DCLK2: variants seen among roughly 807,000 people sequenced by gnomAD.
The protein encoded by DCLK2 is serine/threonine-protein kinase DCLK2.
In DCLK2, 31 loss-of-function variants were observed where a neutral mutation model predicts 78.4. The observed-to-expected ratio is 0.40, with a 90% CI of 0.30 to 0.53. The LOEUF (loss-of-function observed/expected upper bound fraction) is 0.53. Among genes scored for constraint, DCLK2 ranks in the 20% least tolerant of loss-of-function variants. The pLI is 0.61. For synonymous variants in DCLK2, 407 were observed against 374.9 expected (o/e 1.09, Z -0.99); for missense variants, 872 against 973.7 (o/e 0.90, Z 1.39).
intron 2 of DCLK2, among the ~76,000 whole-genome samples, chr4:150,142,674 C>T (rs748264297): frequency 2.0e-5 from 3 of 152,102 alleles, no homozygotes; most frequent in African/African-American, 4.8e-5. Context: ...CTATCTGATT[C>T]GATACCCTTG....
intron 2 of DCLK2, among the ~76,000 whole-genome samples, chr4:150,170,083 C>T (rs1041610813): frequency 5.9e-5 from 9 of 152,210 alleles, no homozygotes; most frequent in Non-Finnish European, 1.2e-4. Flanking sequence ...GACAGAGTCT[C>T]ACTCTGACAC....
chr4:150,172,423 G>A (rs906867664), intron 2 of DCLK2, among the ~76,000 whole-genome samples: 3 of 151,586 alleles, frequency 2.0e-5, no homozygotes, highest in East Asian at 1.9e-4. Context: ...CTAACATGGC[G>A]AAACCCCATC....
At chr4:150,234,752 TAAAA>T (rs77788835) in intron 10 of DCLK2, among the ~76,000 whole-genome samples, 1 of 141,066 alleles carries the variant, frequency 7.1e-6, no homozygotes, top group African/African-American at 2.6e-5. Flanking sequence ...TGCTCTGTGT[TAAAA>T]AAAAAAAAAA....
In DCLK2 at chr4:150,102,561, A is replaced by C; in HGVS notation, c.505A>C (p.Ile169Leu). Residue 169 changes from isoleucine to leucine, a missense_variant, in exon 2 of 16, where the codon ATC becomes CTC. Physicochemically the swap from Ile to Leu is conservative, Grantham distance 5 (BLOSUM62 2). Coordinates refer to ENST00000296550, the MANE Select transcript of DCLK2 (RefSeq NM_001040260.4). The stretch of plus-strand genomic sequence containing the variant: ...TATTAATCCAAACTGGTCTGTGAAC[A>C]TCAAGGGTGGGACATCCCGAGCGCT... Reference protein sequence around the residue: ...KNINPNWSVNIKGGTSRALAA... With the variant: ...KNINPNWSVNLKGGTSRALAA... 1 of 1,614,208 alleles carries C rather than the reference A, an allele frequency of 6.2e-7. No homozygotes were observed. Among genetic ancestry groups the C allele is most frequent in the Non-Finnish European group, 8.5e-7 (1 of 1,180,028 alleles).
At chr4:150,239,963 TAAGA>T (rs1742789689) in intron 11 of DCLK2, 88 bp downstream of exon 11, 2 of 1,461,410 alleles carry the variant, frequency 1.4e-6, no homozygotes, top group Non-Finnish European at 9.2e-7. Flanking sequence ...ATACAGTTGG[TAAGA>T]AAGGTCTGTT....
rs539934955 is a variant in DCLK2, at chr4:150,127,509, G to A, written c.756+24697G>A. On this transcript the variant is annotated intron_variant, in intron 2 of 15. Coordinates refer to ENST00000296550, the MANE Select transcript of DCLK2 (RefSeq NM_001040260.4). Reference sequence around the variant, plus strand: ...ACTGGCTCAGATGTGGTCAATGGGAGCTTCTTCAAGTTGGAGTCTGTGTCC... The same window carrying A: ...ACTGGCTCAGATGTGGTCAATGGGAACTTCTTCAAGTTGGAGTCTGTGTCC... Among the ~76,000 whole-genome samples the A allele has an allele frequency of 4.3e-4, 65 of 152,298 alleles. 1 individual carries two copies. In the South Asian group the frequency reaches 0.013, roughly 30 times the overall value.
intron 2 of DCLK2, among the ~76,000 whole-genome samples, chr4:150,117,239 C>T (rs912330596): frequency 7.9e-5 from 12 of 152,058 alleles, no homozygotes; most frequent in African/African-American, 1.9e-4. Context: ...GAATAGCAGA[C>T]GGCAGTAATT....
chr4:150,143,137 G>A (rs1217318453), intron 2 of DCLK2, among the ~76,000 whole-genome samples: 1 of 152,144 alleles, frequency 6.6e-6, no homozygotes, highest in East Asian at 1.9e-4. Context: ...TAGCTGCATA[G>A]TATTTCATAG....
intron 4 of DCLK2, among the ~76,000 whole-genome samples, chr4:150,198,529 G>A (rs1400937161): frequency 6.6e-6 from 1 of 151,932 alleles, no homozygotes; most frequent in Non-Finnish European, 1.5e-5. Context: ...ACTGGCTTCT[G>A]CCTCATCAAA....
At chr4:150,224,404 CAA>C (rs112965015) in intron 7 of DCLK2, 95 bp from the exon 8 acceptor site, 1,311 of 912,572 alleles carry the variant, frequency 1.4e-3, no homozygotes, top group African/African-American at 5.5e-3. Context: ...CTCATCTCTA[CAA>C]AAAAAAAAAA....
intron 5 of DCLK2, among the ~76,000 whole-genome samples, chr4:150,219,001 C>T (rs1740960444): frequency 1.3e-5 from 2 of 152,026 alleles, no homozygotes; most frequent in South Asian, 2.1e-4. Flanking sequence ...CCCAGGAGTT[C>T]GAGACCAGCC....
intron 2 of DCLK2, among the ~76,000 whole-genome samples, chr4:150,167,986 C>T (rs918792893): frequency 8.5e-5 from 13 of 152,162 alleles, no homozygotes; most frequent in African/African-American, 2.7e-4. Context: ...GCAGGCAGCC[C>T]ACCCCAAGGG....
chr4:150,243,017 A>G (rs555832271), intron 12 of DCLK2, among the ~76,000 whole-genome samples: 3 of 152,116 alleles, frequency 2.0e-5, no homozygotes, highest in Non-Finnish European at 4.4e-5. Flanking sequence ...TCAGCTGGGA[A>G]AGGGTCTTGG....
chr4:150,196,637 A>G, intron 3 of DCLK2, among the ~76,000 whole-genome samples: 1 of 150,118 alleles, frequency 6.7e-6, no homozygotes, highest in Non-Finnish European at 1.5e-5. Context: ...CTATGATGTA[A>G]ATTTTATTCT....
At chr4:150,131,525 A>G (rs1391401762) in intron 2 of DCLK2, among the ~76,000 whole-genome samples, 2 of 152,150 alleles carry the variant, frequency 1.3e-5, no homozygotes, top group African/African-American at 4.8e-5. Flanking sequence ...TTGTGACTGG[A>G]GCAAATTTTC....
chr4:150,090,546 C>G (rs550713056), intron 1 of DCLK2, among the ~76,000 whole-genome samples: 1 of 110,716 alleles, frequency 9.0e-6, no homozygotes, highest in South Asian at 2.7e-4. Flanking sequence ...CAGATCTGAT[C>G]TGCTGGTTCC....
intron 12 of DCLK2, among the ~76,000 whole-genome samples, chr4:150,245,507 A>C (rs1189199380): frequency 6.6e-6 from 1 of 152,070 alleles, no homozygotes; most frequent in African/African-American, 2.4e-5. Context: ...TCCTAATGCT[A>C]TCCCTCCCCC....
intron 7 of DCLK2, among the ~76,000 whole-genome samples, chr4:150,222,758 C>G (rs1035922924): frequency 1.4e-4 from 21 of 151,580 alleles, no homozygotes; most frequent in African/African-American, 5.1e-4. Flanking sequence ...CCCAGCTACT[C>G]GGGAAGCTGA....
intron 2 of DCLK2, among the ~76,000 whole-genome samples, chr4:150,188,862 G>C (rs1472165428): frequency 7.1e-6 from 1 of 140,422 alleles, no homozygotes; most frequent in African/African-American, 2.7e-5. Context: ...CCTAGATCAT[G>C]CCACTGCACT....
Sources: gnomAD v4.1 joint callset for allele counts (sites outside exome capture counted in the v4.1 genomes callset) on GRCh38, gnomAD v4.1.1 for gene constraint, MANE v1.5 for transcripts, NCBI Gene and HGNC (gene_info 2026-07-23, HGNC 2026-07-21) for gene names.